TDG: variants seen among roughly 807,000 people sequenced by gnomAD.
TDG encodes thymine DNA glycosylase.
Under a neutral mutation model 46.1 loss-of-function variants are expected in TDG, and 23 were observed. The ratio of observed to expected loss-of-function variants is 0.50; its 90% CI spans 0.36 to 0.71. The LOEUF (loss-of-function observed/expected upper bound fraction) is 0.71, where lower values mean the gene tolerates loss of function less well. Ranked by LOEUF, TDG falls within the 30% of genes least tolerant of loss-of-function variation. The pLI is 0.00. For synonymous variants in TDG, 115 were observed against 161.3 expected, an observed-to-expected ratio of 0.71 and a Z score of 2.18; for missense variants, 304 against 486.7, an observed-to-expected ratio of 0.62 and a Z score of 3.53.
intron 1 of TDG, among the ~76,000 whole-genome samples, chr12:103,971,328 C>T (rs1012304737): frequency 6.6e-6 from 1 of 152,154 alleles, no homozygotes; most frequent in Non-Finnish European, 1.5e-5. Flanking sequence ...TTTGGGGAAG[C>T]TAAGGCGGGC....
intron 7 of TDG, 132 bp downstream of exon 7, chr12:103,983,521 A>G: frequency 3.5e-6 from 2 of 574,698 alleles, no homozygotes. Context: ...AATAATACCT[A>G]TACATCAGCT....
At chr12:103,968,311 A>G (rs888694683) in intron 1 of TDG, among the ~76,000 whole-genome samples, 2 of 152,248 alleles carry the variant, frequency 1.3e-5, no homozygotes, top group African/African-American at 2.4e-5. Context: ...GGAAGAGAGT[A>G]GCATGGACCA....
chr12:103,975,618 A>G (rs1871496723), intron 1 of TDG, among the ~76,000 whole-genome samples: 1 of 152,140 alleles, frequency 6.6e-6, no homozygotes, highest in Admixed American at 6.5e-5. Flanking sequence ...TGATAATAGC[A>G]TTAACCCACT....
chr12:103,985,615 A>G lies in TDG; in HGVS notation c.977A>G (p.Lys326Arg). ...DLQLAQEDAKKMAVKEEKYDP... is the reference protein window; with the variant it reads ...DLQLAQEDAKRMAVKEEKYDP... ...ACCTTCCTCACAGAGGATGCAAAGAAGATGGCTGTTAAGGAAGAAAAATAT... is the reference window on the plus strand; with the variant it reads ...ACCTTCCTCACAGAGGATGCAAAGAGGATGGCTGTTAAGGAAGAAAAATAT... The change falls in exon 9 of 10, where the codon AAG becomes AGG. Residue 326 changes from lysine to arginine, a missense_variant. Coordinates refer to ENST00000392872, the MANE Select transcript of TDG (RefSeq NM_003211.6). The G allele has an allele frequency of 6.2e-7, 1 of 1,614,018 alleles. No individual in the cohort carries two copies. Among genetic ancestry groups the G allele is most frequent in the Non-Finnish European group, 8.5e-7 (1 of 1,179,878 alleles).
In TDG at chr12:103,977,034, C is replaced by G. The variant is rs752417091; in HGVS notation, c.140C>G (p.Pro47Arg). The change falls in exon 2 of 10, where the codon CCA becomes CGA. Residue 47 changes from proline to arginine, a missense_variant. Transcript: ENST00000392872. ...EQQMPEEVPA[P>R]APAQEPVQEA... is the part of the protein sequence containing the mutation. ...CAAATGCCAGAAGAAGTTCCAGCCC[C>G]AGCTCCTGCTCAGGAACCAGTGCAA... 2.2e-5 allele frequency: 35 copies of G among 1,613,396 alleles called. No individual in the cohort carries two copies. In the South Asian group the frequency reaches 3.7e-4, roughly 17 times the overall value.
rs1871573518 is a variant in TDG, at chr12:103,976,966, A to G, written c.72A>G (p.Gln24=). The change falls in exon 2 of 10, where the codon CAA becomes CAG. Residue 24 remains glutamine (Q), a synonymous_variant. Transcript: ENST00000392872. ...CTTTTTATACGTTTCCATTTCAACA[A>G]CTGATGGCTGAAGCTCCTAATATGG... ...AQAFYTFPFQ[Q]LMAEAPNMAV... 2 of 1,614,042 alleles carry G rather than the reference A, an allele frequency of 1.2e-6. No homozygotes were observed. The highest frequency in any genetic ancestry group is 1.7e-6 in the Non-Finnish European group (2 of 1,179,996).
chr12:103,979,739 C>T (rs1290515813), intron 2 of TDG, 92 bp from the exon 3 acceptor site: 2 of 1,460,708 alleles, frequency 1.4e-6, no homozygotes, highest in Non-Finnish European at 1.8e-6. Flanking sequence ...GAGACAGGTA[C>T]AAAAGGTGCT....
chr12:103,982,514 C>A (rs1338345882), intron 4 of TDG, among the ~76,000 whole-genome samples: 1 of 152,166 alleles, frequency 6.6e-6, no homozygotes, highest in African/African-American at 2.4e-5. Context: ...CACCTGTAAT[C>A]CCAGCAATTT....
intron 8 of TDG, 47 bp downstream of exon 8, chr12:103,984,967 A>G (rs1241326243): frequency 1.4e-6 from 2 of 1,429,240 alleles, no homozygotes; most frequent in Non-Finnish European, 9.3e-7. Flanking sequence ...GTGTGTATAT[A>G]TACACATATA....
intron 1 of TDG, among the ~76,000 whole-genome samples, chr12:103,966,445 C>G (rs896340821): frequency 6.6e-6 from 1 of 152,196 alleles, no homozygotes. Context: ...CGAACATTTC[C>G]AGCTCCAGGA....
Position 103,975,629 on chromosome 12 carries a change from C to T in TDG, c.24-1289C>T, listed in dbSNP as rs148701339. On this transcript the variant is annotated intron_variant, in intron 1 of 9. Coordinates refer to ENST00000392872, the MANE Select transcript of TDG (RefSeq NM_003211.6). ...CCTGTGATAATAGCATTAACCCACT[C>T]CTGAAGGCAGAGCCCTCCTCTTGAC... 3.8e-3 allele frequency among the ~76,000 whole-genome samples: 585 copies of T among 152,214 alleles called. 2 individuals carry two copies. Among genetic ancestry groups the T allele is most frequent in the Non-Finnish European group, 7.0e-3 (478 of 68,002 alleles).
At chr12:103,966,160 C>T in intron 1 of TDG, 100 bp downstream of exon 1, 1 of 1,355,262 alleles carries the variant, frequency 7.4e-7, no homozygotes, top group Non-Finnish European at 9.6e-7. Flanking sequence ...AAATCCCGGC[C>T]GGAATACAAA....
At chr12:103,980,152 A>G in intron 3 of TDG, 80 bp downstream of exon 3, 3 of 1,578,566 alleles carry the variant, frequency 1.9e-6, no homozygotes, top group Non-Finnish European at 2.6e-6. Context: ...TGCAAATAGC[A>G]TTTTGCTGAA....
At chr12:103,975,376 T>C (rs1871485796) in intron 1 of TDG, among the ~76,000 whole-genome samples, 1 of 152,188 alleles carries the variant, frequency 6.6e-6, no homozygotes. Context: ...CTATTTTGTG[T>C]TGCTGTTTCA....
chr12:103,966,872 G>C (rs1192329637), intron 1 of TDG, among the ~76,000 whole-genome samples: 1 of 152,150 alleles, frequency 6.6e-6, no homozygotes, highest in Non-Finnish European at 1.5e-5. Flanking sequence ...CAATACAAGG[G>C]ACTTATATGG....
At chr12:103,982,140 T>G (rs372401595) in intron 4 of TDG, among the ~76,000 whole-genome samples, 24 of 152,376 alleles carry the variant, frequency 1.6e-4, no homozygotes, top group African/African-American at 5.3e-4. Flanking sequence ...GTATGCAGTA[T>G]ACGCTCAGGA....
intron 1 of TDG, among the ~76,000 whole-genome samples, chr12:103,971,690 A>G (rs968545090): frequency 1.3e-5 from 2 of 152,170 alleles, no homozygotes; most frequent in African/African-American, 4.8e-5. Flanking sequence ...GGTAGTGAAG[A>G]ATATTTGAGA....
intron 2 of TDG, among the ~76,000 whole-genome samples, chr12:103,979,269 A>G (rs545287851): frequency 6.6e-6 from 1 of 151,628 alleles, no homozygotes; most frequent in South Asian, 2.1e-4. Context: ...TGCCTGGCTA[A>G]TTTTTGTATT....
intron 3 of TDG, 142 bp downstream of exon 3, chr12:103,980,214 G>C (rs1871757406): frequency 8.3e-7 from 1 of 1,206,688 alleles, no homozygotes; most frequent in Admixed American, 2.5e-5. Context: ...AGCTTCATGA[G>C]GTTGTGTTAT....
Sources: gnomAD v4.1 joint callset for allele counts (sites outside exome capture counted in the v4.1 genomes callset) on GRCh38, gnomAD v4.1.1 for gene constraint, MANE v1.5 for transcripts, NCBI Gene and HGNC (gene_info 2026-07-23, HGNC 2026-07-21) for gene names.